The following TFEC variants were observed in gnomAD, a reference collection of about 807,000 sequenced individuals.
The protein encoded by TFEC is class E basic helix-loop-helix protein 34.
Under a neutral mutation model 41.6 loss-of-function variants are expected in TFEC, and 31 were observed. The ratio of observed to expected loss-of-function variants is 0.74; its 90% CI spans 0.56 to 1.01. The LOEUF (loss-of-function observed/expected upper bound fraction) is 1.01. Ranked by LOEUF, TFEC falls within the 50% of genes least tolerant of loss-of-function variation. The pLI is 0.00. For synonymous variants in TFEC, 143 were observed against 140.6 expected (o/e 1.02, Z -0.12); for missense variants, 402 against 404.1 (o/e 0.99, Z 0.04).
chr7:115,972,580 A>G (rs1479810815), intron 3 of TFEC, among the ~76,000 whole-genome samples: 1 of 152,128 alleles, frequency 6.6e-6, no homozygotes, highest in Non-Finnish European at 1.5e-5. Context: ...TATGCTTTAC[A>G]TATAATAAGT....
chr7:116,142,639 T>C (rs574587777), intron 1 of TFEC, among the ~76,000 whole-genome samples: 8 of 152,260 alleles, frequency 5.3e-5, no homozygotes, highest in East Asian at 3.9e-4. Context: ...TAAGGTGCTT[T>C]TTCTCATGTG....
chr7:116,154,422 A>T (rs1382032918), intron 1 of TFEC, among the ~76,000 whole-genome samples: 1 of 151,946 alleles, frequency 6.6e-6, no homozygotes, highest in Non-Finnish European at 1.5e-5. Flanking sequence ...ACTAACATGT[A>T]CTCCTTCAAG....
At chr7:115,957,111 T>C (rs1019707201) in intron 3 of TFEC, among the ~76,000 whole-genome samples, 6 of 151,998 alleles carry the variant, frequency 3.9e-5, no homozygotes, top group Non-Finnish European at 5.9e-5. Context: ...GACCTGGTTA[T>C]AAATGGATGT....
intron 2 of TFEC, among the ~76,000 whole-genome samples, chr7:115,974,575 T>C (rs1793298690): frequency 6.8e-6 from 1 of 147,558 alleles, no homozygotes; most frequent in Non-Finnish European, 1.5e-5. Flanking sequence ...TGGGCTAGTC[T>C]CTTGGAAATC....
chr7:116,008,005 C>T (rs2130802473), intron 1 of TFEC, among the ~76,000 whole-genome samples: 1 of 152,314 alleles, frequency 6.6e-6, no homozygotes, highest in African/African-American at 2.4e-5. Flanking sequence ...AGTGATTCCT[C>T]TCCAGAAAGC....
chr7:116,055,521 A>G (rs1796409299), intron 3 of TFEC, among the ~76,000 whole-genome samples: 1 of 151,992 alleles, frequency 6.6e-6, no homozygotes, highest in South Asian at 2.1e-4. Context: ...AAGTGTTTTC[A>G]TATTATGGAC....
At chr7:115,981,577 A>G (rs2130655998) in intron 2 of TFEC, among the ~76,000 whole-genome samples, 1 of 152,338 alleles carries the variant, frequency 6.6e-6, no homozygotes, top group African/African-American at 2.4e-5. Flanking sequence ...TTGTATTTTC[A>G]TCAAGCAATT....
intron 1 of TFEC, among the ~76,000 whole-genome samples, chr7:115,984,986 G>A (rs1793787457): frequency 6.6e-6 from 1 of 151,894 alleles, no homozygotes. Context: ...AGAAATATAT[G>A]TACAAAATAT....
chr7:116,067,390 T>C (rs745646845), intron 3 of TFEC, among the ~76,000 whole-genome samples: 2 of 152,040 alleles, frequency 1.3e-5, no homozygotes, highest in South Asian at 2.1e-4. Flanking sequence ...CAGTGAGATG[T>C]TGACCATTCT....
chr7:116,011,133 T>C (rs1794984919), intron 1 of TFEC, among the ~76,000 whole-genome samples: 1 of 152,170 alleles, frequency 6.6e-6, no homozygotes, highest in African/African-American at 2.4e-5. Flanking sequence ...TGTATTAATA[T>C]GTTAGATTAT....
At chr7:116,156,186 C>T (rs1798867596) in intron 1 of TFEC, among the ~76,000 whole-genome samples, 1 of 152,168 alleles carries the variant, frequency 6.6e-6, no homozygotes, top group African/African-American at 2.4e-5. Context: ...AGGCTCCCAG[C>T]CATTGGAAAG....
chr7:116,070,761 G>A (rs1052870277), intron 3 of TFEC, among the ~76,000 whole-genome samples: 25 of 151,238 alleles, frequency 1.7e-4, no homozygotes, highest in Non-Finnish European at 3.4e-4. Context: ...AACACTCTTA[G>A]ATATCCTTAT....
chr7:116,146,861 C>A (rs546662519), intron 1 of TFEC, among the ~76,000 whole-genome samples: 90 of 151,996 alleles, frequency 5.9e-4, no homozygotes, highest in Non-Finnish European at 4.0e-4. Flanking sequence ...AAAGAGACTA[C>A]TGAAAGTGCA....
intron 1 of TFEC, among the ~76,000 whole-genome samples, chr7:115,986,174 T>C (rs1793845827): frequency 6.6e-6 from 1 of 152,164 alleles, no homozygotes; most frequent in Non-Finnish European, 1.5e-5. Context: ...TTACAATCTA[T>C]TGGGAAGTGT....
chr7:116,141,858 A>C (rs991314198), intron 1 of TFEC, among the ~76,000 whole-genome samples: 81 of 152,198 alleles, frequency 5.3e-4, no homozygotes, highest in African/African-American at 1.9e-3. Context: ...TAAGAAGCAG[A>C]AAAAACACAG....
chr7:116,136,936 T>C (rs1338546376), intron 1 of TFEC, among the ~76,000 whole-genome samples: 1 of 152,084 alleles, frequency 6.6e-6, no homozygotes, highest in African/African-American at 2.4e-5. Context: ...ATTCCAAATC[T>C]CTTCTCAATG....
At chr7:116,082,684 T>G (rs1797117469) in intron 3 of TFEC, among the ~76,000 whole-genome samples, 2 of 151,968 alleles carry the variant, frequency 1.3e-5, no homozygotes, top group South Asian at 4.1e-4. Flanking sequence ...TTTGTGATAA[T>G]GCCATAATTT....
At chr7:115,996,118 C>T (rs1794356885) in intron 1 of TFEC, among the ~76,000 whole-genome samples, 1 of 152,156 alleles carries the variant, frequency 6.6e-6, no homozygotes, top group African/African-American at 2.4e-5. Flanking sequence ...AAAGGGAGTG[C>T]TTGTGCCACC....
At chr7:116,066,714 T>A (rs550207511) in intron 3 of TFEC, among the ~76,000 whole-genome samples, 25 of 152,232 alleles carry the variant, frequency 1.6e-4, no homozygotes, top group African/African-American at 5.3e-4. Flanking sequence ...CAATTTTTTT[T>A]ATCTCTGGAC....
Sources: allele counts gnomAD v4.1 joint callset (sites outside exome capture counted in the v4.1 genomes callset), GRCh38; gene constraint gnomAD v4.1.1; transcripts MANE v1.5; gene names NCBI Gene and HGNC (gene_info 2026-07-23, HGNC 2026-07-21).